Variants in ROS1 observed in about 807,000 individuals in gnomAD.
ROS1 encodes the protein ROS proto-oncogene 1, receptor tyrosine kinase, also known as proto-oncogene tyrosine-protein kinase ROS.
A neutral mutation model predicts 273.5 loss-of-function variants in ROS1; 263 were observed. The observed-to-expected ratio is 0.96, with a 90% CI of 0.87 to 1.06. The LOEUF is 1.06. ROS1 is among the 50% of genes least tolerant of loss of function. The pLI, the probability that ROS1 is intolerant of heterozygous loss-of-function variation, is 0.00. For missense variants in ROS1, 2,833 were observed against 2,751.1 expected, an observed-to-expected ratio of 1.03 and a Z score of -0.67; for synonymous variants, 1,008 against 954.1, an observed-to-expected ratio of 1.06 and a Z score of -1.04.
intron 18 of ROS1, among the ~76,000 whole-genome samples, chr6:117,370,268 A>C (rs1276358728): frequency 1.3e-5 from 2 of 152,236 alleles, no homozygotes; most frequent in East Asian, 3.8e-4. Flanking sequence ...ATTGCAGAGC[A>C]CTGACACATC....
At chr6:117,326,061 T>C (rs890597822) in intron 34 of ROS1, among the ~76,000 whole-genome samples, 163 bp downstream of exon 34, 2 of 142,284 alleles carry the variant, frequency 1.4e-5, no homozygotes, top group African/African-American at 5.2e-5. Context: ...ATCACATGAA[T>C]GGAATAGTTT....
chr6:117,288,761 T>A lies in ROS1; in HGVS notation c.6757A>T (p.Met2253Leu). The change falls in exon 44 of 44, where the codon ATG becomes TTG. Residue 2253 changes from methionine to leucine, a missense_variant. By Grantham distance (15) the Met-to-Leu change is conservative (BLOSUM62 2). Transcript: ENST00000368507. ...TTCGTTTCCATTAAAGCAACTGGCATAATGTCATCTGAATTCAAACAAATC... is the reference window on the plus strand; with the variant it reads ...TTCGTTTCCATTAAAGCAACTGGCAAAATGTCATCTGAATTCAAACAAATC... ...DVICLNSDDI[M>L]PVALMETKNR... The A allele has an allele frequency of 2.5e-6, 4 of 1,611,344 alleles. No individual in the cohort carries two copies. The highest frequency in any genetic ancestry group is 2.2e-5 in the South Asian group (2 of 90,386).
chr6:117,372,213 T>C (rs1331085607), intron 18 of ROS1, among the ~76,000 whole-genome samples: 2 of 152,000 alleles, frequency 1.3e-5, no homozygotes, highest in Non-Finnish European at 2.9e-5. Context: ...GTCACACCAG[T>C]CCTGTTCAAC....
chr6:117,379,989 T>C (rs1771984320), intron 17 of ROS1, among the ~76,000 whole-genome samples: 1 of 152,126 alleles, frequency 6.6e-6, no homozygotes, highest in Non-Finnish European at 1.5e-5. Flanking sequence ...AGATGAGGCC[T>C]GATGGCACAG....
intron 12 of ROS1, among the ~76,000 whole-genome samples, chr6:117,391,274 T>C (rs1773044198): frequency 1.3e-5 from 2 of 152,354 alleles, no homozygotes; most frequent in South Asian, 4.1e-4. Flanking sequence ...TGCTTTTGTT[T>C]CCTAAATTCA....
chr6:117,381,740 C>A lies in ROS1; in HGVS notation c.2481+1577G>T, dbSNP rs181383968. The stretch of plus-strand genomic sequence containing the variant: ...AGGTGTCTTTTTGATATAATAACTT[C>A]TTTTCCTTTGGGGAGATACCCAGTA... On this transcript the variant is annotated intron_variant, in intron 17 of 43. Transcript: ENST00000368507. Among the ~76,000 whole-genome samples, 28 of 152,224 alleles carry A rather than the reference C, an allele frequency of 1.8e-4. No individual in the cohort carries two copies. In the East Asian group the frequency reaches 4.6e-3, roughly 25 times the overall value.
At chr6:117,362,938 T>C (rs994795220) in intron 21 of ROS1, 73 bp from the exon 22 acceptor site, 4 of 1,267,046 alleles carry the variant, frequency 3.2e-6, no homozygotes, top group Non-Finnish European at 4.3e-6. Context: ...TTACCACTTA[T>C]AATAAGATTG....
At chr6:117,327,531 T>C (rs1384561005) in intron 33 of ROS1, among the ~76,000 whole-genome samples, 1 of 152,186 alleles carries the variant, frequency 6.6e-6, no homozygotes, top group Non-Finnish European at 1.5e-5. Flanking sequence ...TACAACATAC[T>C]GTACTGGGGC....
rs544251191 is a variant in ROS1 at position 117,291,409 on chromosome 6, T to A, written c.6716-2607A>T. On this transcript the variant is annotated intron_variant, in intron 43 of 43. Transcript: ENST00000368507. ...TAGATTTGGTATAACCAGAAAAAAA[T>A]GGTGTATATTTTCTAGCAGGTCATA... Among the ~76,000 whole-genome samples, 95 of 152,260 alleles carry A rather than the reference T, an allele frequency of 6.2e-4. 1 individual carries two copies. The highest frequency in any genetic ancestry group is 4.8e-3 in the Admixed American group (73 of 15,288).
intron 21 of ROS1, 65 bp from the exon 22 acceptor site, chr6:117,362,930 A>G (rs1779926343): frequency 1.6e-5 from 21 of 1,316,336 alleles, no homozygotes; most frequent in Admixed American, 2.5e-5. Context: ...TAAGACTTTT[A>G]CCACTTATAA....
At chr6:117,366,047 G>A (rs1049929637) in intron 19 of ROS1, 29 bp downstream of exon 19, 2 of 1,516,086 alleles carry the variant, frequency 1.3e-6, no homozygotes, top group Non-Finnish European at 1.8e-6. Flanking sequence ...GTATAGTGGA[G>A]TAGGGTAAGC....
Position 117,379,082 on chromosome 6 carries a change from G to A in ROS1, c.2559C>T (p.Tyr853=), listed in dbSNP as rs767816340. The change falls in exon 18 of 44, where the codon TAC becomes TAT. Residue 853 remains tyrosine, a synonymous_variant. Coordinates refer to ENST00000368507, the MANE Select transcript of ROS1 (RefSeq NM_001378902.1). ...LVQDSQCIHL[Y]TAVLRGQSTG... is the part of the protein sequence containing the mutation. Reference sequence around the variant, plus strand: ...ACCTCTGTCCCCGAAGAACAGCTGTGTACAGGTGAATACATTGACTGTCTT... The same window carrying A: ...ACCTCTGTCCCCGAAGAACAGCTGTATACAGGTGAATACATTGACTGTCTT... 2.5e-6 allele frequency: 4 copies of A among 1,612,368 alleles called. No homozygotes were observed. Among genetic ancestry groups the A allele is most frequent in the East Asian group, 2.2e-5 (1 of 44,840 alleles).
At chr6:117,356,048 A>G (rs1258666875) in intron 26 of ROS1, among the ~76,000 whole-genome samples, 1 of 152,182 alleles carries the variant, frequency 6.6e-6, no homozygotes, top group Admixed American at 6.5e-5. Flanking sequence ...TAATTAGGAG[A>G]CTTCCAAATT....
intron 13 of ROS1, 161 bp from the exon 14 acceptor site, chr6:117,388,153 G>C: frequency 9.0e-7 from 1 of 1,112,308 alleles, no homozygotes; most frequent in Non-Finnish European, 1.3e-6. Context: ...TTGTTGATGA[G>C]GCTAGGACAG....
Position 117,301,140 on chromosome 6 carries a change from A to G in ROS1, c.6552-3T>C. The G allele has an allele frequency of 6.3e-7, 1 of 1,576,852 alleles. No homozygotes were observed. Among genetic ancestry groups the G allele is most frequent in the Non-Finnish European group, 8.6e-7 (1 of 1,167,420 alleles). On this transcript the variant is annotated splice_region_variant and splice_polypyrimidine_tract_variant and intron_variant, in intron 42 of 43. Coordinates refer to ENST00000368507, the MANE Select transcript of ROS1 (RefSeq NM_001378902.1). Reference sequence around the variant, plus strand: ...AGCACTGGGTCATTAAATTCCACCTAAATATATGGGGAAAGATGGGAAAGT... The same window carrying G: ...AGCACTGGGTCATTAAATTCCACCTGAATATATGGGGAAAGATGGGAAAGT...
At chr6:117,374,695 G>C (rs1449770451) in intron 18 of ROS1, among the ~76,000 whole-genome samples, 1 of 152,196 alleles carries the variant, frequency 6.6e-6, no homozygotes, top group Admixed American at 6.5e-5. Context: ...AACCCACAGA[G>C]TGGGAGAAAA....
intron 41 of ROS1, 136 bp from the exon 42 acceptor site, chr6:117,309,064 C>T (rs1344282908): frequency 5.6e-5 from 40 of 717,130 alleles, no homozygotes; most frequent in East Asian, 5.2e-4. Context: ...AAAAGGCAAA[C>T]GGCAGATATA....
Position 117,365,218 on chromosome 6 carries a change from A to C in ROS1, c.2959-14T>G, listed in dbSNP as rs2128659515. The C allele has an allele frequency of 6.4e-7, 1 of 1,563,482 alleles. No homozygotes were observed. Among genetic ancestry groups the C allele is most frequent in the Non-Finnish European group, 8.7e-7 (1 of 1,152,148 alleles). Reference sequence around the variant, plus strand: ...ACTAGCCAAGAACTAAAATATAAACAGAAAACATTATTTTCTCAGGGAGAG... The same window carrying C: ...ACTAGCCAAGAACTAAAATATAAACCGAAAACATTATTTTCTCAGGGAGAG... On this transcript the variant is annotated splice_polypyrimidine_tract_variant and intron_variant, in intron 20 of 43. Transcript: ENST00000368507.
Position 117,385,743 on chromosome 6 carries a change from T to C in ROS1, c.2229A>G (p.Ala743=). 1.2e-6 allele frequency: 2 copies of C among 1,614,158 alleles called. No individual in the cohort carries two copies. Among genetic ancestry groups the C allele is most frequent in the Non-Finnish European group, 1.7e-6 (2 of 1,180,026 alleles). Residue 743 remains alanine (A), a synonymous_variant, in exon 16 of 44, where the codon GCA becomes GCG. Transcript: ENST00000368507. ...CCAGCCACTCAAAAGCTAAAGCCCCTGCTCCTGCAATGCTGGGTAGGTGAT... is the reference window on the plus strand; with the variant it reads ...CCAGCCACTCAAAAGCTAAAGCCCCCGCTCCTGCAATGCTGGGTAGGTGAT... The part of the protein sequence containing the change: ...ENYHLPSIAG[A]GALAFEWLGH...
Sources: gnomAD v4.1 joint callset for allele counts (sites outside exome capture counted in the v4.1 genomes callset) on GRCh38, gnomAD v4.1.1 for gene constraint, MANE v1.5 for transcripts, NCBI Gene and HGNC (gene_info 2026-07-23, HGNC 2026-07-21) for gene names.